The following MRE11 variants were observed in gnomAD, a reference collection of about 807,000 sequenced individuals.
MRE11 encodes the protein double-strand break repair protein MRE11.
Under a neutral mutation model 91.7 loss-of-function variants are expected in MRE11, and 62 were observed. The ratio of observed to expected loss-of-function variants is 0.68; its 90% CI spans 0.55 to 0.84. MRE11 has a LOEUF of 0.84. MRE11 is among the 40% of genes least tolerant of loss of function. The probability of loss-of-function intolerance (pLI) is 0.00; values close to 1 mark genes in which losing one functional copy is unlikely to be tolerated. For synonymous variants in MRE11, 273 were observed against 271.4 expected (o/e 1.01, Z -0.06); for missense variants, 796 against 852.9 (o/e 0.93, Z 0.83).
intron 19 of MRE11, among the ~76,000 whole-genome samples, chr11:94,423,884 C>T (rs1470285283): frequency 6.6e-6 from 1 of 152,192 alleles, no homozygotes; most frequent in Non-Finnish European, 1.5e-5. Flanking sequence ...ACTTTCAGAA[C>T]ACTGAAAGGA....
At chr11:94,435,743 C>A (rs1033399198) in intron 18 of MRE11, 89 bp downstream of exon 18, 3 of 1,111,950 alleles carry the variant, frequency 2.7e-6, no homozygotes, top group Non-Finnish European at 4.1e-6. Flanking sequence ...GTTAAACTTA[C>A]ATGGCATAGA....
intron 14 of MRE11, among the ~76,000 whole-genome samples, chr11:94,453,330 T>G (rs906967399): frequency 2.0e-5 from 3 of 152,244 alleles, no homozygotes; most frequent in Non-Finnish European, 4.4e-5. Context: ...CTTTTGGTTA[T>G]GTACCTAGAA....
intron 16 of MRE11, among the ~76,000 whole-genome samples, chr11:94,438,172 T>G (rs1565207225): frequency 6.6e-6 from 1 of 152,080 alleles, no homozygotes; most frequent in Non-Finnish European, 1.5e-5. Flanking sequence ...ACAATAAATT[T>G]CAAACGTCTA....
At chr11:94,483,024 A>G (rs1947051404) in intron 4 of MRE11, among the ~76,000 whole-genome samples, 1 of 152,148 alleles carries the variant, frequency 6.6e-6, no homozygotes, top group South Asian at 2.1e-4. Flanking sequence ...TTTGAAAAAC[A>G]AGGACAAAGT....
At position 94,449,103 on chromosome 11, in the gene MRE11, C is replaced by T. The variant is rs61046627; in HGVS notation, c.1564-1665G>A. ...CAGTTCTGGGTCTAAGAATAGCTGACCAGAACATTTCTAAGCTCTGTGATA... is the reference window on the plus strand; with the variant it reads ...CAGTTCTGGGTCTAAGAATAGCTGATCAGAACATTTCTAAGCTCTGTGATA... On this transcript the variant is annotated intron_variant, in intron 14 of 19. Transcript: ENST00000323929. 3.5e-3 allele frequency among the ~76,000 whole-genome samples: 527 copies of T among 152,188 alleles called. 5 individuals carry two copies. The highest frequency in any genetic ancestry group is 0.012 in the African/African-American group (504 of 41,524).
At chr11:94,511,511 A>G in the MRE11 span, among the ~76,000 whole-genome samples, 1 of 152,268 alleles carries the variant, frequency 6.6e-6, no homozygotes, top group Non-Finnish European at 1.5e-5. Flanking sequence ...TAATGGGAGT[A>G]TAAAGGAGCA....
chr11:94,455,130 G>A (rs545024938), intron 14 of MRE11, among the ~76,000 whole-genome samples: 34 of 152,136 alleles, frequency 2.2e-4, no homozygotes, highest in African/African-American at 7.0e-4. Flanking sequence ...GCAATGCACC[G>A]AATTAATATT....
At position 94,416,366 on chromosome 11, in the gene MRE11, A is replaced by T. The variant is rs562964715; in HGVS notation, c.*3759T>A. 6.6e-6 allele frequency: 1 copy of T among 152,214 alleles called. No individual in the cohort carries two copies. Among genetic ancestry groups the T allele is most frequent in the Non-Finnish European group, 1.5e-5 (1 of 68,044 alleles). The allele number at this position is 152,214 out of a possible 1,614,324, so 9.4% of individuals were successfully genotyped here. On this transcript the variant is annotated 3_prime_UTR_variant, in exon 20 of 20. Transcript: ENST00000323929. ...CAAGTTATATAAGCTGGTTCTTTAG[A>T]TCAAACTAAAATTCTAGTATTTTCT...
chr11:94,490,735 A>G lies in MRE11; in HGVS notation c.153+98T>C, dbSNP rs954644589. Reference sequence around the variant, plus strand: ...TGATATTCAAGCAGGCAAGGTAAGCACCTGAGCTTATAAAACAAATCTCTA... The same window carrying G: ...TGATATTCAAGCAGGCAAGGTAAGCGCCTGAGCTTATAAAACAAATCTCTA... On this transcript the variant is annotated intron_variant, in intron 3 of 19. Coordinates refer to ENST00000323929, the MANE Select transcript of MRE11 (RefSeq NM_005591.4). The G allele has an allele frequency of 1.0e-5, 14 of 1,391,956 alleles. No individual in the cohort carries two copies. The Admixed American group carries it at 2.3e-4, about 23-fold the overall frequency. The allele number at this position is 1,391,956 out of a possible 1,614,324, so 86.2% of individuals were successfully genotyped here. A position where few individuals can be genotyped will look rare whatever the true frequency, so the allele number is the denominator to read the frequency against.
At position 94,429,939 on chromosome 11, in the gene MRE11, G is replaced by A. The variant is rs587782166; in HGVS notation, c.2042C>T (p.Ser681Leu). 32 of 1,613,558 alleles carry A rather than the reference G, an allele frequency of 2.0e-5. No individual in the cohort carries two copies. Among genetic ancestry groups the A allele is most frequent in the Middle Eastern group, 1.7e-4 (1 of 5,942 alleles). The change falls in exon 19 of 20, where the codon TCG (serine) becomes TTG (leucine). Residue 681 changes from serine to leucine, a missense_variant. Ser to Leu is a moderately radical substitution (Grantham distance 145). Coordinates refer to ENST00000323929, the MANE Select transcript of MRE11 (RefSeq NM_005591.4). Reference sequence around the variant, plus strand: ...ACTTGATTCAAAATCAACCCCTTTCGATACTTGACTCTGGGACATGATTTT... The same window carrying A: ...ACTTGATTCAAAATCAACCCCTTTCAATACTTGACTCTGGGACATGATTTT... The part of the protein sequence containing the change: ...SSKIMSQSQV[S>L]KGVDFESSED...
chr11:94,433,696 C>T (rs1945524878), intron 18 of MRE11, among the ~76,000 whole-genome samples: 1 of 152,130 alleles, frequency 6.6e-6, no homozygotes, highest in Non-Finnish European at 1.5e-5. Context: ...GTGAGACATG[C>T]CTTTCACCTT....
Position 94,443,925 on chromosome 11 carries a change from T to G in MRE11, c.1867+1885A>C, listed in dbSNP as rs1281834929. Among the ~76,000 whole-genome samples the G allele has an allele frequency of 9.3e-5, 14 of 150,828 alleles. 1 individual carries two copies. The highest frequency in any genetic ancestry group is 7.4e-5 in the Non-Finnish European group (5 of 67,608). Reference sequence around the variant, plus strand: ...CCTAAGTTCCTTCAACCAATTTTTTTTTTTTTTTTTTTTTGGAGACGCTCC... The same window carrying G: ...CCTAAGTTCCTTCAACCAATTTTTTGTTTTTTTTTTTTTTGGAGACGCTCC... On this transcript the variant is annotated intron_variant, in intron 16 of 19. Coordinates refer to ENST00000323929, the MANE Select transcript of MRE11 (RefSeq NM_005591.4).
chr11:94,461,779 C>G (rs1187016532), intron 11 of MRE11, among the ~76,000 whole-genome samples: 2 of 152,160 alleles, frequency 1.3e-5, no homozygotes, highest in African/African-American at 4.8e-5. Context: ...TCTCAGGATA[C>G]AAAATCAATG....
chr11:94,443,604 G>A (rs962668928), intron 16 of MRE11, among the ~76,000 whole-genome samples: 5 of 152,156 alleles, frequency 3.3e-5, no homozygotes, highest in Non-Finnish European at 7.4e-5. Flanking sequence ...AAATCAGTAT[G>A]TTTCTAGCTA....
chr11:94,478,927 C>G (rs767651008), intron 5 of MRE11, 51 bp from the exon 6 acceptor site: 10 of 1,581,038 alleles, frequency 6.3e-6, no homozygotes, highest in Non-Finnish European at 7.8e-6. Context: ...AAGTAGGTAT[C>G]TGCATGAATA....
chr11:94,435,813 A>G lies in MRE11; in HGVS notation c.1994+19T>C. The stretch of plus-strand genomic sequence containing the variant: ...AATTTTTTTCAGATGTTTCTTTTGC[A>G]GAAAATCACTGCACCTACCTTTGAT... On this transcript the variant is annotated intron_variant, in intron 18 of 19. Transcript: ENST00000323929. 6.2e-7 allele frequency: 1 copy of G among 1,605,540 alleles called. No individual in the cohort carries two copies. Among genetic ancestry groups the G allele is most frequent in the Non-Finnish European group, 8.5e-7 (1 of 1,172,780 alleles).
chr11:94,486,214 T>G, intron 3 of MRE11, 130 bp from the exon 4 acceptor site: 1 of 860,886 alleles, frequency 1.2e-6, no homozygotes, highest in Non-Finnish European at 1.8e-6. Context: ...AATTTACATT[T>G]TATTTATTCA....
intron 10 of MRE11, 41 bp from the exon 11 acceptor site, chr11:94,464,280 A>G (rs368440680): frequency 6.2e-7 from 1 of 1,612,892 alleles, no homozygotes; most frequent in Non-Finnish European, 8.5e-7. Context: ...GGAAACAACA[A>G]TTTGCCAATT....
upstream of MRE11, chr11:94,498,302 G>A: frequency 6.2e-7 from 1 of 1,614,110 alleles, no homozygotes; most frequent in Non-Finnish European, 8.5e-7. Context: ...ACTGCAGCAT[G>A]ATGCAGATAT....
Sources: gnomAD v4.1 joint callset for allele counts (sites outside exome capture counted in the v4.1 genomes callset) on GRCh38, gnomAD v4.1.1 for gene constraint, MANE v1.5 for transcripts, NCBI Gene and HGNC (gene_info 2026-07-23, HGNC 2026-07-21) for gene names.